Variants in GANC observed in about 807,000 individuals in gnomAD.
The protein encoded by GANC is neutral alpha-glucosidase C.
A neutral mutation model predicts 124.2 loss-of-function variants in GANC; 117 were observed. The observed-to-expected ratio is 0.94, with a 90% CI of 0.81 to 1.10. The LOEUF (loss-of-function observed/expected upper bound fraction) is 1.10. Among genes scored for constraint, GANC ranks in the 50% least tolerant of loss-of-function variants. GANC has a pLI of 0.00. For missense variants in GANC, 1,140 were observed against 1,095.0 expected (o/e 1.04, Z -0.58); for synonymous variants, 377 against 376.8 (o/e 1.00, Z -0.01).
chr15:42,315,621 G>C (rs1447857393), intron 10 of GANC, among the ~76,000 whole-genome samples: 1 of 152,206 alleles, frequency 6.6e-6, no homozygotes, highest in Non-Finnish European at 1.5e-5. Context: ...GACTCAGTAT[G>C]ATGGTTAATT....
chr15:42,325,508 G>T (rs549907780), intron 11 of GANC, among the ~76,000 whole-genome samples: 2 of 152,238 alleles, frequency 1.3e-5, no homozygotes, highest in Admixed American at 6.5e-5. Flanking sequence ...TTCCTAATAT[G>T]CCTGCACCAC....
chr15:42,304,321 G>A (rs778555470), intron 6 of GANC, among the ~76,000 whole-genome samples: 10 of 152,178 alleles, frequency 6.6e-5, no homozygotes, highest in Admixed American at 1.3e-4. Flanking sequence ...GAACAAAAAC[G>A]CAATGTACCA....
intron 19 of GANC, 104 bp downstream of exon 19, chr15:42,343,258 A>C: frequency 2.2e-6 from 2 of 900,736 alleles, no homozygotes; most frequent in Admixed American, 2.0e-5. Flanking sequence ...AACACACCCC[A>C]GATGACTATA....
intron 13 of GANC, 131 bp from the exon 14 acceptor site, chr15:42,329,175 A>G (rs749502468): frequency 1.0e-5 from 9 of 886,180 alleles, no homozygotes; most frequent in Non-Finnish European, 1.2e-5. Context: ...TGTGGAACTT[A>G]TACTCTAGCA....
chr15:42,349,433 C>A lies in GANC; in HGVS notation c.2469C>A (p.Tyr823Ter), dbSNP rs1566962931. 2 of 1,613,874 alleles carry A rather than the reference C, an allele frequency of 1.2e-6. No homozygotes were observed. Among genetic ancestry groups the A allele is most frequent in the Non-Finnish European group, 1.7e-6 (2 of 1,179,800 alleles). ...LYLDDGHSFQ[Y>*]LHQKQFLHRK... ...TTGATGATGGCCATTCATTCCAATA[C>A]CTCCACCAGAAGCAATTTTTGCACA... The change falls in exon 22 of 24, where the codon TAC (tyrosine) becomes TAA (stop). Residue 823 changes from tyrosine to a stop codon, truncating the protein, a stop_gained. Coordinates refer to ENST00000318010, the MANE Select transcript of GANC (RefSeq NM_198141.3). LOFTEE classifies it high-confidence loss of function.
intron 11 of GANC, 35 bp from the exon 12 acceptor site, chr15:42,326,263 A>G (rs1273783664): frequency 6.8e-7 from 1 of 1,478,874 alleles, no homozygotes; most frequent in Non-Finnish European, 9.4e-7. Flanking sequence ...CTTACATAAA[A>G]CTGATGAGAC....
In GANC at chr15:42,274,459, C is replaced by T; in HGVS notation, c.-23C>T. 1 of 1,608,974 alleles carries T rather than the reference C, an allele frequency of 6.2e-7. No homozygotes were observed. The highest frequency in any genetic ancestry group is 8.5e-7 in the Non-Finnish European group (1 of 1,177,792). On this transcript the variant is annotated 5_prime_UTR_variant, in exon 1 of 24. Coordinates refer to ENST00000318010, the MANE Select transcript of GANC (RefSeq NM_198141.3). Reference sequence around the variant, plus strand: ...GGGCCCTTGTCCTGAGAGCTGGGAGCTGGTCGGAGTGACAGAGAAGCCATG... The same window carrying T: ...GGGCCCTTGTCCTGAGAGCTGGGAGTTGGTCGGAGTGACAGAGAAGCCATG...
intron 5 of GANC, among the ~76,000 whole-genome samples, 190 bp downstream of exon 5, chr15:42,293,107 AC>A (rs770734206): frequency 1.3e-5 from 2 of 152,158 alleles, no homozygotes; most frequent in South Asian, 2.1e-4. Flanking sequence ...TAATTCCCAA[AC>A]TTTTGTAAAT....
At position 42,349,458 on chromosome 15, in the gene GANC, A is replaced by G. The variant is rs200387527; in HGVS notation, c.2494A>G (p.Arg832Gly). The change falls in exon 22 of 24, where the codon AGG becomes GGG. Residue 832 changes from arginine (R) to glycine (G), a missense_variant. Transcript: ENST00000318010. ...QYLHQKQFLH[R>G]KFSFCSSVLI... is the part of the protein sequence containing the mutation. ...CCTCCACCAGAAGCAATTTTTGCAC[A>G]GGAAGTTTTCATTCTGTTCCAGTGT... 1.2e-5 allele frequency: 20 copies of G among 1,613,222 alleles called. No homozygotes were observed. Among genetic ancestry groups the G allele is most frequent in the Non-Finnish European group, 1.6e-5 (19 of 1,179,346 alleles).
In GANC at chr15:42,352,033, G is replaced by A. The variant is rs150055767; in HGVS notation, c.2639G>A (p.Gly880Asp). 991 of 1,613,972 alleles carry A rather than the reference G, an allele frequency of 6.1e-4. 4 individuals are homozygous for A. In the Middle Eastern group the frequency reaches 8.1e-3, roughly 13 times the overall value. ...PSSVTTHSSDGKDQPVAFTYC... is the reference protein window; with the variant it reads ...PSSVTTHSSDDKDQPVAFTYC... ...CTTTTATTGTCTTGCTATTTAGATG[G>A]TAAAGATCAGCCTGTGGCTTTTACG... Residue 880 changes from glycine to aspartate, a missense_variant, in exon 24 of 24, where the codon GGT becomes GAT. Gly to Asp is a moderately conservative substitution (Grantham distance 94). Coordinates refer to ENST00000318010, the MANE Select transcript of GANC (RefSeq NM_198141.3).
chr15:42,334,545 A>G (rs936430050), intron 15 of GANC, among the ~76,000 whole-genome samples: 2 of 152,232 alleles, frequency 1.3e-5, no homozygotes, highest in African/African-American at 4.8e-5. Flanking sequence ...GAAAAAAATG[A>G]CAAATTAGAC....
chr15:42,325,376 A>G (rs188507767), intron 11 of GANC, among the ~76,000 whole-genome samples: 262 of 152,296 alleles, frequency 1.7e-3, no homozygotes, highest in African/African-American at 6.2e-3. Context: ...GGAGGATTAG[A>G]TGGTGTTCTG....
chr15:42,321,381 T>G (rs1046897064), intron 10 of GANC, among the ~76,000 whole-genome samples: 5 of 152,216 alleles, frequency 3.3e-5, no homozygotes, highest in African/African-American at 1.2e-4. Context: ...TCCTTGCCTC[T>G]GTGTTTTTTC....
At chr15:42,285,419 A>C (rs906549883) in intron 3 of GANC, among the ~76,000 whole-genome samples, 1 of 152,154 alleles carries the variant, frequency 6.6e-6, no homozygotes, top group African/African-American at 2.4e-5. Flanking sequence ...AAAGAAAGAA[A>C]AAACACATGA....
intron 10 of GANC, among the ~76,000 whole-genome samples, chr15:42,317,351 A>G (rs996216971): frequency 6.6e-6 from 1 of 152,238 alleles, no homozygotes; most frequent in Non-Finnish European, 1.5e-5. Context: ...TGAAGTAGCT[A>G]TGATATGCAA....
At chr15:42,342,860 C>T (rs2141077018) in intron 18 of GANC, among the ~76,000 whole-genome samples, 2 of 152,298 alleles carry the variant, frequency 1.3e-5, no homozygotes, top group Middle Eastern at 6.8e-3. Context: ...GCATTAATGA[C>T]AGGCGATGAC....
At chr15:42,281,381 A>G (rs2051732383) in intron 3 of GANC, among the ~76,000 whole-genome samples, 1 of 152,180 alleles carries the variant, frequency 6.6e-6, no homozygotes. Context: ...AGCTCATTGC[A>G]TAGTGAAAGA....
chr15:42,338,531 A>C, intron 16 of GANC, 41 bp downstream of exon 16: 1 of 1,373,640 alleles, frequency 7.3e-7, no homozygotes, highest in Non-Finnish European at 1.0e-6. Flanking sequence ...AAGGAAATAA[A>C]AAATGAGGGT....
rs947980289 is a variant in GANC at position 42,321,855 on chromosome 15, G to A, written c.1128G>A (p.Gln376=). The A allele has an allele frequency of 1.9e-5, 31 of 1,614,190 alleles. No homozygotes were observed. The highest frequency in any genetic ancestry group is 2.6e-5 in the Non-Finnish European group (31 of 1,180,026). The change falls in exon 11 of 24, where the codon CAG becomes CAA. Residue 376 remains glutamine (Q), a synonymous_variant. Coordinates refer to ENST00000318010, the MANE Select transcript of GANC (RefSeq NM_198141.3). ...HQCRWNYEDE[Q]DVKAVDAGFD... ...GCCGCTGGAACTATGAAGATGAGCA[G>A]GATGTAAAAGCAGTGGATGCAGGGT...
Sources: allele counts gnomAD v4.1 joint callset (sites outside exome capture counted in the v4.1 genomes callset), GRCh38; gene constraint gnomAD v4.1.1; transcripts MANE v1.5; gene names NCBI Gene and HGNC (gene_info 2026-07-23, HGNC 2026-07-21).